Variants in SPINK5 observed in about 807,000 individuals in gnomAD.
SPINK5 encodes the protein serine protease inhibitor Kazal-type 5.
SPINK5 carries 125 observed loss-of-function variants against 151.8 expected under a neutral mutation model. The observed-to-expected ratio is 0.82, with a 90% CI of 0.71 to 0.96. The LOEUF (loss-of-function observed/expected upper bound fraction) is 0.96. Ranked by LOEUF, SPINK5 falls within the 40% of genes least tolerant of loss-of-function variation. SPINK5 has a pLI of 0.00. For synonymous variants in SPINK5, 374 were observed against 395.3 expected (o/e 0.95, Z 0.64); for missense variants, 1,194 against 1,291.9 (o/e 0.92, Z 1.16).
At chr5:148,110,077 C>T (rs759860015) in intron 18 of SPINK5, among the ~76,000 whole-genome samples, 1 of 152,130 alleles carries the variant, frequency 6.6e-6, no homozygotes, top group South Asian at 2.1e-4. Context: ...GGTTCAAATC[C>T]TTGCTTCATT....
intron 4 of SPINK5, among the ~76,000 whole-genome samples, chr5:148,078,484 A>G (rs982697151): frequency 6.6e-6 from 1 of 151,144 alleles, no homozygotes; most frequent in Admixed American, 6.6e-5. Flanking sequence ...ATTGTAGAAT[A>G]TGTATTATTT....
At chr5:148,118,645 C>A in intron 23 of SPINK5, 81 bp downstream of exon 23, 1 of 1,538,706 alleles carries the variant, frequency 6.5e-7, no homozygotes, top group Non-Finnish European at 8.9e-7. Context: ...TTTGCTATGG[C>A]TCCTTCCATG....
At position 148,114,796 on chromosome 5, in the gene SPINK5, C is replaced by T. The variant is rs6878956; in HGVS notation, c.2015+307C>T. On this transcript the variant is annotated intron_variant, in intron 21 of 32. Transcript: ENST00000256084. ...AGTGGATCCTTTCTCTGGATTATCT[C>T]GCAACTCATGTTGGAAAGAAAACAC... 0.039 allele frequency among the ~76,000 whole-genome samples: 5,969 copies of T among 152,102 alleles called. 390 individuals are homozygous for T. The highest frequency in any genetic ancestry group is 0.14 in the African/African-American group (5,654 of 41,444).
chr5:148,072,207 C>T lies in SPINK5; in HGVS notation c.269C>T (p.Thr90Ile), dbSNP rs1402775892. ...CATTTAGCAAGAGCTCCCAAGGCTA[C>T]TGCCCCAACAGAGGTGAGACTATTT... is the stretch of plus-strand genomic sequence containing the variant. ...ARHLARAPKA[T>I]APTELNCDDF... is the part of the protein sequence containing the mutation. Residue 90 changes from threonine to isoleucine, a missense_variant, in exon 4 of 33, where the codon ACT (threonine) becomes ATT (isoleucine). Physicochemically the swap from Thr to Ile is moderately conservative, Grantham distance 89. Transcript: ENST00000256084. 2 of 1,612,208 alleles carry T rather than the reference C, an allele frequency of 1.2e-6. No homozygotes were observed. Among genetic ancestry groups the T allele is most frequent in the Admixed American group, 3.3e-5 (2 of 59,814 alleles).
intron 4 of SPINK5, among the ~76,000 whole-genome samples, chr5:148,082,983 CT>C (rs142153164): frequency 3.0e-5 from 4 of 133,924 alleles, no homozygotes; most frequent in South Asian, 5.2e-4. Context: ...GCTTAATATT[CT>C]TTTTTTTTTA....
At chr5:148,107,252 G>A in intron 17 of SPINK5, 88 bp downstream of exon 17, 3 of 1,548,532 alleles carry the variant, frequency 1.9e-6, no homozygotes, top group Non-Finnish European at 8.8e-7. Flanking sequence ...GTAGAGTATA[G>A]ACCGTGAGTT....
In SPINK5 at chr5:148,122,656, T is replaced by G. The variant is rs75517986; in HGVS notation, c.2539-1177T>G. ...TACTTATCCACACATAGGAGTTTTA[T>G]TCTCTGACTTGTAAAAGCAAATAAG... is the stretch of plus-strand genomic sequence containing the variant. On this transcript the variant is annotated intron_variant, in intron 26 of 32. Coordinates refer to ENST00000256084, the MANE Select transcript of SPINK5 (RefSeq NM_006846.4). Among the ~76,000 whole-genome samples, 463 of 152,292 alleles carry G rather than the reference T, an allele frequency of 3.0e-3. 3 individuals are homozygous for G. The highest frequency in any genetic ancestry group is 0.011 in the African/African-American group (452 of 41,556).
In SPINK5 at chr5:148,132,272, T is replaced by C. The variant is rs534687124; in HGVS notation, c.3095+883T>C. ...GGTGACAAACCTTGGTTTTCCCATC[T>C]CACCTGACCCCAGACCTACATTGTA... On this transcript the variant is annotated intron_variant, in intron 31 of 32. Coordinates refer to ENST00000256084, the MANE Select transcript of SPINK5 (RefSeq NM_006846.4). Among the ~76,000 whole-genome samples, 10 of 152,280 alleles carry C rather than the reference T, an allele frequency of 6.6e-5. No individual in the cohort carries two copies. In the South Asian group the frequency reaches 2.1e-3, roughly 32 times the overall value.
intron 7 of SPINK5, 149 bp downstream of exon 7, chr5:148,089,770 CTTTT>C: frequency 8.5e-7 from 1 of 1,177,150 alleles, no homozygotes; most frequent in Non-Finnish European, 1.2e-6. Context: ...AGAAAGGCTT[CTTTT>C]CTTTTTCTTC....
chr5:148,075,345 T>C (rs1752850419), intron 4 of SPINK5, among the ~76,000 whole-genome samples: 1 of 151,256 alleles, frequency 6.6e-6, no homozygotes. Context: ...TTTTAGTCTA[T>C]TAATATAAAT....
Position 148,125,838 on chromosome 5 carries a change from G to T in SPINK5, c.2855G>T (p.Cys952Phe). 1 of 1,614,188 alleles carries T rather than the reference G, an allele frequency of 6.2e-7. No individual in the cohort carries two copies. Among genetic ancestry groups the T allele is most frequent in the Non-Finnish European group, 8.5e-7 (1 of 1,180,026 alleles). ...GKFYTNKCYM[C>F]RAVFLTEALE... Reference sequence around the variant, plus strand: ...TTCTATACAAACAAGTGCTACATGTGCAGAGCTGTCTTGTGAGTAAGAGGA... The same window carrying T: ...TTCTATACAAACAAGTGCTACATGTTCAGAGCTGTCTTGTGAGTAAGAGGA... Residue 952 changes from cysteine (C) to phenylalanine (F), a missense_variant, in exon 29 of 33, where the codon TGC becomes TTC. Transcript: ENST00000256084.
At chr5:148,064,601 C>G (rs1752528436) in intron 1 of SPINK5, among the ~76,000 whole-genome samples, 1 of 152,076 alleles carries the variant, frequency 6.6e-6, no homozygotes, top group Admixed American at 6.5e-5. Flanking sequence ...AAGCATTTCT[C>G]CCAAAGAGTG....
chr5:148,121,185 A>G (rs984908417), intron 26 of SPINK5, among the ~76,000 whole-genome samples: 8 of 151,478 alleles, frequency 5.3e-5, no homozygotes, highest in Non-Finnish European at 2.9e-5. Context: ...AAAAAGAAGA[A>G]AAGTTGGAGT....
intron 31 of SPINK5, among the ~76,000 whole-genome samples, chr5:148,131,753 T>TA (rs5872061): frequency 0.56 from 85,301 of 151,906 alleles, 24,655 homozygotes; most frequent in Admixed American, 0.65. Context: ...TACTGCTATA[T>TA]AACCCAGCCC....
chr5:148,111,636 G>A, intron 18 of SPINK5, 132 bp from the exon 19 acceptor site: 1 of 1,350,774 alleles, frequency 7.4e-7, no homozygotes, highest in Admixed American at 1.8e-5. Context: ...AAGCATTTTG[G>A]TTACTATCAA....
chr5:148,114,513 A>C (rs1360269273), intron 21 of SPINK5, 24 bp downstream of exon 21: 4 of 1,612,136 alleles, frequency 2.5e-6, no homozygotes, highest in Non-Finnish European at 3.4e-6. Context: ...GAAAACCACT[A>C]CTGTGGGATG....
At chr5:148,073,908 C>T (rs912991227) in intron 4 of SPINK5, among the ~76,000 whole-genome samples, 1 of 145,340 alleles carries the variant, frequency 6.9e-6, no homozygotes, top group Non-Finnish European at 1.5e-5. Context: ...CTCTTAATAG[C>T]GATGTGGTTC....
At chr5:148,089,773 T>C in intron 7 of SPINK5, 152 bp downstream of exon 7, 1 of 1,098,392 alleles carries the variant, frequency 9.1e-7, no homozygotes. Context: ...AAGGCTTCTT[T>C]TCTTTTTCTT....
At chr5:148,119,164 C>A in intron 24 of SPINK5, 106 bp downstream of exon 24, 1 of 1,124,154 alleles carries the variant, frequency 8.9e-7, no homozygotes, top group East Asian at 2.4e-5. Context: ...AGAGCTTGCC[C>A]TTAGAAGGTC....
Sources: gnomAD v4.1 joint callset for allele counts (sites outside exome capture counted in the v4.1 genomes callset) on GRCh38, gnomAD v4.1.1 for gene constraint, MANE v1.5 for transcripts, NCBI Gene and HGNC (gene_info 2026-07-23, HGNC 2026-07-21) for gene names.